CDH17: variants seen among roughly 807,000 people sequenced by gnomAD.
The protein encoded by CDH17 is cadherin 17, also known as cadherin-17.
Under a neutral mutation model 86.3 loss-of-function variants are expected in CDH17, and 67 were observed. The observed-to-expected ratio is 0.78, with a 90% CI of 0.64 to 0.95. The LOEUF (loss-of-function observed/expected upper bound fraction) is 0.95, where lower values mean the gene tolerates loss of function less well. Ranked by LOEUF, CDH17 falls within the 40% of genes least tolerant of loss-of-function variation. The pLI is 0.00. For synonymous variants in CDH17, 367 were observed against 366.4 expected (o/e 1.00, Z -0.02); for missense variants, 993 against 1,017.6 (o/e 0.98, Z 0.33).
intron 10 of CDH17, among the ~76,000 whole-genome samples, chr8:94,163,410 G>A (rs1169321866): frequency 1.3e-5 from 2 of 152,252 alleles, no homozygotes; most frequent in East Asian, 3.8e-4. Context: ...GCCACTGAGA[G>A]GCGTGGCAAG....
intron 15 of CDH17, among the ~76,000 whole-genome samples, chr8:94,137,302 AT>A (rs1812548625): frequency 6.6e-6 from 1 of 152,226 alleles, no homozygotes; most frequent in African/African-American, 2.4e-5. Flanking sequence ...CCTCCACCCC[AT>A]TTGAGCTTCC....
upstream of CDH17, among the ~76,000 whole-genome samples, chr8:94,210,226 TAAAAAAAAAA>T (rs71567010): frequency 9.4e-5 from 5 of 53,458 alleles, no homozygotes; most frequent in South Asian, 1.2e-3. Context: ...TTTATGCGAG[TAAAAAAAAAA>T]AAAAAAAAAA....
At chr8:94,153,540 C>G (rs922718261) in intron 12 of CDH17, among the ~76,000 whole-genome samples, 1 of 152,200 alleles carries the variant, frequency 6.6e-6, no homozygotes, top group African/African-American at 2.4e-5. Context: ...AAAGAGATAT[C>G]TGCACTCCTA....
At chr8:94,145,433 A>G (rs1181689955) in intron 15 of CDH17, among the ~76,000 whole-genome samples, 3 of 152,208 alleles carry the variant, frequency 2.0e-5, no homozygotes, top group Admixed American at 1.3e-4. Flanking sequence ...AACTATAGTA[A>G]TGGAAAGCAC....
intron 3 of CDH17, among the ~76,000 whole-genome samples, chr8:94,185,276 T>TACAC (rs71277462): frequency 0.026 from 3,600 of 136,792 alleles, 119 homozygotes; most frequent in African/African-American, 0.071. Context: ...CCTACCCCAA[T>TACAC]ACACACACAC....
chr8:94,185,425 A>G (rs1409754460), intron 3 of CDH17, among the ~76,000 whole-genome samples: 1 of 152,116 alleles, frequency 6.6e-6, no homozygotes, highest in Non-Finnish European at 1.5e-5. Context: ...CAAAAAAAGA[A>G]AAGTGGAGCA....
At chr8:94,136,913 C>T (rs917349414) in intron 15 of CDH17, among the ~76,000 whole-genome samples, 5 of 152,170 alleles carry the variant, frequency 3.3e-5, no homozygotes, top group African/African-American at 1.2e-4. Context: ...TGCTGGAGGT[C>T]CACTCCAGAC....
intron 1 of CDH17, among the ~76,000 whole-genome samples, chr8:94,213,942 G>A (rs1814159557): frequency 6.6e-6 from 1 of 152,080 alleles, no homozygotes; most frequent in Non-Finnish European, 1.5e-5. Flanking sequence ...AGGTTATCCT[G>A]TCCTGTCACT....
chr8:94,139,001 A>G (rs558702584), intron 15 of CDH17, among the ~76,000 whole-genome samples: 2 of 152,338 alleles, frequency 1.3e-5, no homozygotes, highest in East Asian at 1.9e-4. Context: ...AAAGAGAAAA[A>G]TATGACCTAT....
At chr8:94,200,203 A>C (rs916162775) in intron 1 of CDH17, among the ~76,000 whole-genome samples, 1 of 152,118 alleles carries the variant, frequency 6.6e-6, no homozygotes, top group Non-Finnish European at 1.5e-5. Context: ...CCATGGACAC[A>C]ATACCATTCA....
At chr8:94,180,165 G>A (rs1239909297) in intron 3 of CDH17, among the ~76,000 whole-genome samples, 1 of 152,018 alleles carries the variant, frequency 6.6e-6, no homozygotes, top group Admixed American at 6.6e-5. Context: ...AAATTCATAA[G>A]AGGGTGTTCA....
At chr8:94,145,634 A>T (rs2130591160) in intron 15 of CDH17, among the ~76,000 whole-genome samples, 1 of 152,244 alleles carries the variant, frequency 6.6e-6, no homozygotes, top group African/African-American at 2.4e-5. Flanking sequence ...GTTTTAAAAA[A>T]TTTCTATAAA....
chr8:94,206,229 T>A (rs1024784289), intron 1 of CDH17, among the ~76,000 whole-genome samples: 1 of 152,246 alleles, frequency 6.6e-6, no homozygotes, highest in Non-Finnish European at 1.5e-5. Context: ...TCTGCTTTTA[T>A]TAAGTTAATA....
At chr8:94,189,311 G>A (rs778856749) in intron 2 of CDH17, 26 bp from the exon 3 acceptor site, 14 of 1,527,318 alleles carry the variant, frequency 9.2e-6, no homozygotes, top group African/African-American at 1.4e-5. Flanking sequence ...GAGAAAATTA[G>A]CATCTTGTAT....
intron 9 of CDH17, among the ~76,000 whole-genome samples, 157 bp from the exon 10 acceptor site, chr8:94,166,133 CA>C (rs147300660): frequency 0.047 from 7,088 of 152,268 alleles, 567 homozygotes; most frequent in African/African-American, 0.16. Context: ...CTCATCCTAT[CA>C]TGTAATGGGT....
intron 15 of CDH17, among the ~76,000 whole-genome samples, chr8:94,134,245 G>T (rs1812477340): frequency 6.6e-6 from 1 of 152,146 alleles, no homozygotes; most frequent in African/African-American, 2.4e-5. Context: ...AGCTCTTCTT[G>T]TACCTCTGGT....
chr8:94,130,532 A>G, intron 17 of CDH17, 94 bp downstream of exon 17: 1 of 764,264 alleles, frequency 1.3e-6, no homozygotes, highest in Non-Finnish European at 2.1e-6. Flanking sequence ...CCATTTGAGC[A>G]GCCACCAGAC....
intron 3 of CDH17, among the ~76,000 whole-genome samples, chr8:94,179,612 G>C (rs1180585283): frequency 6.6e-6 from 1 of 152,210 alleles, no homozygotes; most frequent in Non-Finnish European, 1.5e-5. Flanking sequence ...AGGCAGAGTT[G>C]TAAACTGCCT....
chr8:94,177,615 C>T lies in CDH17; in HGVS notation c.257G>A (p.Arg86Lys), dbSNP rs762951650. The change falls in exon 4 of 18, where the codon AGG becomes AAG. Residue 86 changes from arginine to lysine, a missense_variant. Coordinates refer to ENST00000027335, the MANE Select transcript of CDH17 (RefSeq NM_004063.4). Reference protein sequence around the residue: ...GLLYYNRALDRETRSTHNLQV... With the variant: ...GLLYYNRALDKETRSTHNLQV... ...GAGATTGTGAGTAGATCTTGTTTCC[C>T]TGTCCAAGGCTCTGTTGTAATACAG... 1.9e-6 allele frequency: 3 copies of T among 1,613,798 alleles called. No individual in the cohort carries two copies. Among genetic ancestry groups the T allele is most frequent in the Non-Finnish European group, 2.5e-6 (3 of 1,179,804 alleles).
Sources: gnomAD v4.1 joint callset for allele counts (sites outside exome capture counted in the v4.1 genomes callset) on GRCh38, gnomAD v4.1.1 for gene constraint, MANE v1.5 for transcripts, NCBI Gene and HGNC (gene_info 2026-07-23, HGNC 2026-07-21) for gene names.